The following RBM27 variants were observed in gnomAD, a reference collection of about 807,000 sequenced individuals.
RBM27 encodes the protein RNA-binding protein 27.
In RBM27, 22 loss-of-function variants were observed where a neutral mutation model predicts 135.3. The ratio of observed to expected loss-of-function variants is 0.16; its 90% CI spans 0.12 to 0.23. RBM27 has a LOEUF of 0.23. Among genes scored for constraint, RBM27 ranks in the 10% least tolerant of loss-of-function variants. RBM27 has a pLI of 1.00. For missense variants in RBM27, 1,009 were observed against 1,281.0 expected (o/e 0.79, Z 3.24); for synonymous variants, 481 against 442.4 (o/e 1.09, Z -1.10).
intron 8 of RBM27, among the ~76,000 whole-genome samples, chr5:146,239,128 T>C (rs1393646863): frequency 6.6e-6 from 1 of 152,212 alleles, no homozygotes; most frequent in Admixed American, 6.5e-5. Context: ...ACCTAATACC[T>C]AGAATTGAAA....
chr5:146,284,987 A>G (rs755974441), intron 20 of RBM27, among the ~76,000 whole-genome samples: 1 of 152,134 alleles, frequency 6.6e-6, no homozygotes, highest in Non-Finnish European at 1.5e-5. Context: ...TTTGAGCTCT[A>G]GAAATTTTTA....
rs376703557 is a variant in RBM27, at chr5:146,274,995, TTTC to T, written c.2988+3327_2988+3329del. Among the ~76,000 whole-genome samples the T allele has an allele frequency of 3.0e-4, 45 of 151,714 alleles. No homozygotes were observed. The East Asian group carries it at 7.9e-3, about 27-fold the overall frequency. On this transcript the variant is annotated intron_variant, in intron 19 of 20. Transcript: ENST00000265271. ...TCTAGTTCTTTTTCTTTTTTTTCTT[TTTC>T]TTCTTTGTACTTCAATGGATGAACA...
intron 8 of RBM27, among the ~76,000 whole-genome samples, chr5:146,248,073 C>G (rs1757706143): frequency 6.6e-6 from 1 of 151,712 alleles, no homozygotes; most frequent in Admixed American, 6.6e-5. Context: ...TGAGTTGATT[C>G]CCTAGTTTTT....
chr5:146,273,561 T>C (rs1406432675), intron 19 of RBM27, among the ~76,000 whole-genome samples: 1 of 152,168 alleles, frequency 6.6e-6, no homozygotes, highest in Non-Finnish European at 1.5e-5. Flanking sequence ...AGGAGCACAC[T>C]TCCCTGATAA....
intron 1 of RBM27, among the ~76,000 whole-genome samples, chr5:146,206,028 A>G (rs1452787528): frequency 6.6e-6 from 1 of 152,212 alleles, no homozygotes; most frequent in Non-Finnish European, 1.5e-5. Context: ...TCAACAAAAT[A>G]AAAATAAAAA....
rs376724333 is a variant in RBM27, at chr5:146,229,861, A to G, written c.540A>G (p.Arg180=). 5.3e-5 allele frequency: 85 copies of G among 1,613,860 alleles called. No homozygotes were observed. Among genetic ancestry groups the G allele is most frequent in the African/African-American group, 8.0e-5 (6 of 74,906 alleles). ...RSKSRGLSRS[R]SRSRGRSKDR... The stretch of plus-strand genomic sequence containing the variant: ...AGAGTCGAGGCCTGAGTCGCAGTAG[A>G]AGCCGAAGTAGGGGGCGCAGCAAAG... The change falls in exon 5 of 21, where the codon AGA becomes AGG. Residue 180 remains arginine, a synonymous_variant. Transcript: ENST00000265271.
At chr5:146,282,601 A>G (rs966426142) in intron 19 of RBM27, among the ~76,000 whole-genome samples, 1 of 152,248 alleles carries the variant, frequency 6.6e-6, no homozygotes, top group African/African-American at 2.4e-5. Context: ...ATTAGATATT[A>G]TAAGTAATCT....
In RBM27 at chr5:146,242,836, G is replaced by A. The variant is rs116256230; in HGVS notation, c.1279+5404G>A. On this transcript the variant is annotated intron_variant, in intron 8 of 20. Transcript: ENST00000265271. ...TGGTCCCAAACTCCCGACCTCAGGT[G>A]ATCCTTCCGACTCAGCCTCCCAAAG... Among the ~76,000 whole-genome samples the A allele has an allele frequency of 6.7e-3, 1,019 of 152,064 alleles. 6 individuals carry two copies. Among genetic ancestry groups the A allele is most frequent in the Non-Finnish European group, 0.012 (788 of 67,962 alleles).
At chr5:146,211,112 A>G (rs1157435913) in intron 1 of RBM27, among the ~76,000 whole-genome samples, 2 of 151,878 alleles carry the variant, frequency 1.3e-5, no homozygotes, top group Non-Finnish European at 2.9e-5. Context: ...GCCTCTACAA[A>G]AAAATAAAAA....
intron 7 of RBM27, among the ~76,000 whole-genome samples, chr5:146,234,353 C>T (rs757816028): frequency 4.6e-5 from 7 of 152,048 alleles, no homozygotes; most frequent in Non-Finnish European, 7.4e-5. Flanking sequence ...GCCTCAATGA[C>T]GATCAATATT....
At chr5:146,211,867 T>A (rs1388192741) in intron 1 of RBM27, among the ~76,000 whole-genome samples, 1 of 152,182 alleles carries the variant, frequency 6.6e-6, no homozygotes, top group Non-Finnish European at 1.5e-5. Context: ...TATTATTGCA[T>A]TATGACAGTA....
At chr5:146,259,561 A>T (rs1758282822) in intron 11 of RBM27, among the ~76,000 whole-genome samples, 1 of 149,652 alleles carries the variant, frequency 6.7e-6, no homozygotes, top group African/African-American at 2.4e-5. Context: ...ATGATGTTAG[A>T]GTCTTTGATA....
In RBM27 at chr5:146,223,537, A is replaced by T. The variant is rs1324182791; in HGVS notation, c.303+10A>T. The T allele has an allele frequency of 1.9e-6, 3 of 1,591,876 alleles. No individual in the cohort carries two copies. The highest frequency in any genetic ancestry group is 2.7e-5 in the African/African-American group (2 of 73,158). The stretch of plus-strand genomic sequence containing the variant: ...AGAAATTAAAGAAGAGGTAATGCAA[A>T]TTTTTTCTCCTGCTTTTGGGGGCTT... On this transcript the variant is annotated intron_variant, in intron 3 of 20. Transcript: ENST00000265271.
intron 19 of RBM27, among the ~76,000 whole-genome samples, chr5:146,280,151 C>A (rs1179902290): frequency 1.3e-5 from 2 of 152,068 alleles, no homozygotes; most frequent in East Asian, 3.9e-4. Context: ...CTCCACCTCC[C>A]AGGTTCAGGG....
chr5:146,207,504 C>T (rs752870210), intron 1 of RBM27, among the ~76,000 whole-genome samples: 7 of 151,860 alleles, frequency 4.6e-5, no homozygotes, highest in Non-Finnish European at 8.8e-5. Flanking sequence ...TGAGCCACTG[C>T]GCCCAGCCTG....
chr5:146,258,283 A>G (rs1012625186), intron 10 of RBM27, among the ~76,000 whole-genome samples, 166 bp from the exon 11 acceptor site: 4 of 152,146 alleles, frequency 2.6e-5, no homozygotes, highest in African/African-American at 7.2e-5. Context: ...ATGGATTTCT[A>G]TTTTTTATAG....
rs370372164 is a variant in RBM27, at chr5:146,230,505, A to G, written c.590-152A>G. On this transcript the variant is annotated intron_variant, in intron 5 of 20. Transcript: ENST00000265271. ...ACTTGTTGATGTCCCTGCTTTTAGG[A>G]TATATTAATAAAGAGAGGAGTATGA... is the stretch of plus-strand genomic sequence containing the variant. 531 of 794,658 alleles carry G rather than the reference A, an allele frequency of 6.7e-4. 5 individuals are homozygous for G. The South Asian group carries it at 9.7e-3, about 15-fold the overall frequency. 49.2% of individuals were successfully genotyped at this position (794,658 alleles called of 1,614,324 possible). A position where few individuals can be genotyped will look rare whatever the true frequency, so the allele number is the denominator to read the frequency against.
intron 9 of RBM27, among the ~76,000 whole-genome samples, chr5:146,252,533 C>T (rs906195021): frequency 2.2e-4 from 33 of 152,174 alleles, no homozygotes; most frequent in African/African-American, 7.7e-4. Flanking sequence ...TTAAAACTTT[C>T]TGCAGTCTTA....
At position 146,260,719 on chromosome 5, in the gene RBM27, C is replaced by T. The variant is rs567848720; in HGVS notation, c.1740-26C>T. On this transcript the variant is annotated intron_variant, in intron 11 of 20. Transcript: ENST00000265271. The stretch of plus-strand genomic sequence containing the variant: ...GCTAGGCATGAAGTAGGAGAATTAA[C>T]CAAGATGTATTAATCTTCCTTTTAG... 4.1e-5 allele frequency: 65 copies of T among 1,568,164 alleles called. No individual in the cohort carries two copies. The East Asian group carries it at 1.3e-3, about 31-fold the overall frequency.
Sources: allele counts gnomAD v4.1 joint callset (sites outside exome capture counted in the v4.1 genomes callset), GRCh38; gene constraint gnomAD v4.1.1; transcripts MANE v1.5; gene names NCBI Gene and HGNC (gene_info 2026-07-23, HGNC 2026-07-21).